Variants in STON2 observed in about 807,000 individuals in gnomAD.
STON2 encodes the protein stonin-2.
In STON2, 29 loss-of-function variants were observed where a neutral mutation model predicts 65.7. The ratio of observed to expected loss-of-function variants is 0.44; its 90% confidence interval spans 0.33 to 0.60. STON2 has a LOEUF of 0.60. STON2 is among the 20% of genes least tolerant of loss of function. The pLI, the probability that STON2 is intolerant of heterozygous loss-of-function variation, is 0.03. For missense variants in STON2, 1,054 were observed against 1,118.1 expected (o/e 0.94, Z 0.82); for synonymous variants, 404 against 414.2 (o/e 0.98, Z 0.30).
At chr14:81,400,478 C>CAAAAAA (rs5810028), upstream of STON2, among the ~76,000 whole-genome samples, 35 of 96,630 alleles carry the variant, frequency 3.6e-4, 3 homozygotes, top group Non-Finnish European at 5.0e-4. Flanking sequence ...CAGCACCCGT[C>CAAAAAA]AAAAAAAAAA....
At chr14:81,295,925 C>T (rs1050229979) in intron 5 of STON2, among the ~76,000 whole-genome samples, 1 of 152,164 alleles carries the variant, frequency 6.6e-6, no homozygotes, top group Non-Finnish European at 1.5e-5. Context: ...ATCAATGTCA[C>T]CATCATAATG....
At chr14:81,407,214 T>C (rs8020806) in intron 2 of STON2, among the ~76,000 whole-genome samples, 31,410 of 152,108 alleles carry the variant, frequency 0.21, 4,414 homozygotes, top group East Asian at 0.45. Flanking sequence ...AGTCCTCCCC[T>C]GGAACATTAC....
intron 5 of STON2, among the ~76,000 whole-genome samples, chr14:81,295,401 C>A (rs4903976): frequency 0.78 from 118,633 of 152,218 alleles, 46,349 homozygotes; most frequent in Non-Finnish European, 0.8. Context: ...ATTTACAGCT[C>A]TATTAAACCA....
intron 1 of STON2, among the ~76,000 whole-genome samples, chr14:81,398,785 C>T (rs1233748481): frequency 6.6e-6 from 1 of 152,166 alleles, no homozygotes; most frequent in African/African-American, 2.4e-5. Flanking sequence ...GATAAGCCTT[C>T]ATATCACACT....
chr14:81,373,284 T>C (rs1458566720), intron 3 of STON2, among the ~76,000 whole-genome samples: 2 of 151,984 alleles, frequency 1.3e-5, no homozygotes, highest in African/African-American at 4.8e-5. Context: ...ATACAGAATA[T>C]TAAAATTGGA....
Position 81,270,774 on chromosome 14 carries a change from T to G in STON2, c.2680A>C (p.Met894Leu). 1 of 1,614,156 alleles carries G rather than the reference T, an allele frequency of 6.2e-7. No homozygotes were observed. The highest frequency in any genetic ancestry group is 8.5e-7 in the Non-Finnish European group (1 of 1,180,046). ...FANHVNVEFS[M>L]PTTSASKASV... The stretch of plus-strand genomic sequence containing the variant: ...GCTTTGGAGGCAGAAGTTGTGGGCA[T>G]GCTGAACTCGACATTCACGTGATTG... Residue 894 changes from methionine (M) to leucine (L), a missense_variant, in exon 7 of 8, where the codon ATG becomes CTG. Coordinates refer to ENST00000614646, the MANE Select transcript of STON2 (RefSeq NM_001394390.1).
At chr14:81,431,222 A>C (rs771850796) in intron 1 of STON2, among the ~76,000 whole-genome samples, 11 of 152,336 alleles carry the variant, frequency 7.2e-5, no homozygotes, top group Admixed American at 4.6e-4. Context: ...TGTTTCAGAA[A>C]GCACACCTTC....
At chr14:81,410,452 C>T (rs1901101188) in intron 2 of STON2, among the ~76,000 whole-genome samples, 2 of 152,080 alleles carry the variant, frequency 1.3e-5, no homozygotes, top group Admixed American at 1.3e-4. Context: ...GACCTTAAGA[C>T]AGGGAGATGA....
At chr14:81,284,980 G>A (rs951238338) in intron 5 of STON2, among the ~76,000 whole-genome samples, 1 of 152,164 alleles carries the variant, frequency 6.6e-6, no homozygotes, top group South Asian at 2.1e-4. Context: ...CCCAGGTTGA[G>A]ACCTACCGCT....
At chr14:81,362,284 A>G (rs936567749) in intron 4 of STON2, among the ~76,000 whole-genome samples, 2 of 152,234 alleles carry the variant, frequency 1.3e-5, no homozygotes, top group African/African-American at 2.4e-5. Context: ...TACATACACA[A>G]TGAAATACTA....
chr14:81,377,800 G>A (rs569849952), intron 3 of STON2, among the ~76,000 whole-genome samples: 12 of 151,646 alleles, frequency 7.9e-5, no homozygotes, highest in East Asian at 7.7e-4. Context: ...TTACTATCTC[G>A]ATACATTCTC....
chr14:81,289,994 CTCTG>C (rs1481169054), intron 5 of STON2, among the ~76,000 whole-genome samples: 5 of 152,198 alleles, frequency 3.3e-5, no homozygotes, highest in African/African-American at 1.2e-4. Context: ...TCACCAATAG[CTCTG>C]TCTATTATCT....
At chr14:81,280,429 C>T (rs905567491) in intron 5 of STON2, among the ~76,000 whole-genome samples, 1 of 152,152 alleles carries the variant, frequency 6.6e-6, no homozygotes, top group African/African-American at 2.4e-5. Flanking sequence ...GTAGCTCTTC[C>T]ATTCTCTACG....
At chr14:81,305,266 G>C (rs1324912266) in intron 5 of STON2, among the ~76,000 whole-genome samples, 1 of 152,194 alleles carries the variant, frequency 6.6e-6, no homozygotes, top group Non-Finnish European at 1.5e-5. Context: ...GGGTACTCAG[G>C]AGCAGAACTG....
intron 7 of STON2, chr14:81,269,601 T>C: frequency 1.0e-6 from 1 of 985,394 alleles, no homozygotes; most frequent in Non-Finnish European, 1.2e-6. Flanking sequence ...ATTTTTTTCC[T>C]AGCCACAAGA....
At chr14:81,371,471 G>A (rs1041982976) in intron 3 of STON2, among the ~76,000 whole-genome samples, 5 of 151,908 alleles carry the variant, frequency 3.3e-5, no homozygotes, top group African/African-American at 1.2e-4. Flanking sequence ...TGAGGTGGGC[G>A]GATCACGAGG....
At position 81,278,094 on chromosome 14, in the gene STON2, G is replaced by C; in HGVS notation, c.1388C>G (p.Pro463Arg). Reference protein sequence around the residue: ...FGSATLPDDDPVAWIELDAHP... With the variant: ...FGSATLPDDDRVAWIELDAHP... ...AGCATCTAGTTCAATCCAGGCTACT[G>C]GGTCATCATCAGGTAGAGTTGCACT... is the stretch of plus-strand genomic sequence containing the variant. The change falls in exon 6 of 8, where the codon CCA becomes CGA. Residue 463 changes from proline (P) to arginine (R), a missense_variant. By Grantham distance (103) the Pro-to-Arg change is moderately radical (BLOSUM62 -2). Transcript: ENST00000614646. 2 of 1,614,150 alleles carry C rather than the reference G, an allele frequency of 1.2e-6. No individual in the cohort carries two copies. The highest frequency in any genetic ancestry group is 1.7e-6 in the Non-Finnish European group (2 of 1,180,034).
At chr14:81,426,116 T>C (rs1461231429) in intron 2 of STON2, among the ~76,000 whole-genome samples, 2 of 152,224 alleles carry the variant, frequency 1.3e-5, no homozygotes, top group Non-Finnish European at 1.5e-5. Context: ...ATGGGCATTT[T>C]TAACCACCAG....
intron 1 of STON2, among the ~76,000 whole-genome samples, chr14:81,399,848 C>G (rs1014324068): frequency 8.5e-5 from 13 of 152,100 alleles, no homozygotes; most frequent in Admixed American, 8.5e-4. Context: ...GAAGAGTTTA[C>G]AAATCTCAGC....
Sources: allele counts gnomAD v4.1 joint callset (sites outside exome capture counted in the v4.1 genomes callset), GRCh38; gene constraint gnomAD v4.1.1; transcripts MANE v1.5; gene names NCBI Gene and HGNC (gene_info 2026-07-23, HGNC 2026-07-21).